TNNI3K: variants seen among roughly 807,000 people sequenced by gnomAD.
The protein encoded by TNNI3K is TNNI3 interacting kinase, also known as serine/threonine-protein kinase TNNI3K.
In TNNI3K, 140 loss-of-function variants were observed where a neutral mutation model predicts 114.5. The ratio of observed to expected loss-of-function variants is 1.22; its 90% CI spans 1.07 to 1.41. The LOEUF is 1.41. TNNI3K is among the 40% of genes most tolerant of loss of function. The pLI is 0.00. For synonymous variants in TNNI3K, 347 were observed against 347.5 expected, an observed-to-expected ratio of 1.00 and a Z score of 0.02; for missense variants, 1,125 against 1,007.6, an observed-to-expected ratio of 1.12 and a Z score of -1.58.
intron 17 of TNNI3K, among the ~76,000 whole-genome samples, chr1:74,391,957 ATTTTTTTTTT>A (rs34656417): frequency 9.7e-5 from 9 of 92,990 alleles, no homozygotes; most frequent in African/African-American, 3.1e-4. Flanking sequence ...ACAGCTTATT[ATTTTTTTTTT>A]TTTTTTTTTT....
At chr1:74,263,929 G>A (rs979603178) in intron 4 of TNNI3K, among the ~76,000 whole-genome samples, 3 of 151,676 alleles carry the variant, frequency 2.0e-5, no homozygotes, top group Non-Finnish European at 4.4e-5. Flanking sequence ...TACTTCCCCC[G>A]CCCCACTGCA....
intron 17 of TNNI3K, among the ~76,000 whole-genome samples, chr1:74,432,778 T>C (rs1220653417): frequency 6.6e-6 from 1 of 152,050 alleles, no homozygotes; most frequent in Admixed American, 6.6e-5. Context: ...ATTTCTGGAA[T>C]TTCTTTCCAG....
At chr1:74,467,946 G>A (rs2100730136) in intron 21 of TNNI3K, among the ~76,000 whole-genome samples, 1 of 152,226 alleles carries the variant, frequency 6.6e-6, no homozygotes, top group East Asian at 1.9e-4. Context: ...CAATGAAGTT[G>A]GAGCAGCCAG....
chr1:74,481,105 A>G, intron 21 of TNNI3K: 2 of 571,234 alleles, frequency 3.5e-6, no homozygotes, highest in Non-Finnish European at 6.2e-6. Context: ...CAAAAAATGA[A>G]AATGATTTTC....
chr1:74,353,368 T>C lies in TNNI3K; in HGVS notation c.1027+8T>C. 6.2e-7 allele frequency: 1 copy of C among 1,612,808 alleles called. No individual in the cohort carries two copies. ...GAAGGGATGGGCACACTGGTAAGACTGTGGTGAAAACACCACTAGTTCTAT... is the reference window on the plus strand; with the variant it reads ...GAAGGGATGGGCACACTGGTAAGACCGTGGTGAAAACACCACTAGTTCTAT... On this transcript the variant is annotated splice_region_variant and intron_variant, in intron 10 of 24. Transcript: ENST00000326637.
At chr1:74,532,003 G>A (rs1646592518) in intron 23 of TNNI3K, among the ~76,000 whole-genome samples, 1 of 152,100 alleles carries the variant, frequency 6.6e-6, no homozygotes, top group Non-Finnish European at 1.5e-5. Context: ...AAAACTAATT[G>A]GACCAATTTG....
intron 17 of TNNI3K, among the ~76,000 whole-genome samples, chr1:74,415,191 G>A (rs190292658): frequency 1.2e-4 from 18 of 152,150 alleles, no homozygotes; most frequent in African/African-American, 3.1e-4. Context: ...AGCCCATATG[G>A]CTGTCCTTCT....
intron 17 of TNNI3K, among the ~76,000 whole-genome samples, chr1:74,419,170 C>A (rs1048382422): frequency 4.0e-5 from 6 of 151,868 alleles, no homozygotes; most frequent in African/African-American, 1.5e-4. Context: ...AAATTCTGTT[C>A]CTTTCCTCTT....
chr1:74,498,254 C>T (rs1669435620), intron 23 of TNNI3K, among the ~76,000 whole-genome samples: 1 of 152,050 alleles, frequency 6.6e-6, no homozygotes, highest in Non-Finnish European at 1.5e-5. Flanking sequence ...CCTTGACATC[C>T]CCCTTATCTT....
At chr1:74,439,413 C>A in intron 19 of TNNI3K, 77 bp from the exon 20 acceptor site, 1 of 1,552,224 alleles carries the variant, frequency 6.4e-7, no homozygotes, top group Non-Finnish European at 8.7e-7. Context: ...AGTAAATTCT[C>A]ACTAAGAAGA....
intron 23 of TNNI3K, among the ~76,000 whole-genome samples, chr1:74,494,001 A>C (rs1024788081): frequency 2.0e-5 from 3 of 152,166 alleles, no homozygotes; most frequent in Non-Finnish European, 4.4e-5. Context: ...TACGGTTGTC[A>C]GGGGCCCCTG....
intron 21 of TNNI3K, among the ~76,000 whole-genome samples, chr1:74,485,129 A>G (rs1226299626): frequency 2.6e-5 from 4 of 152,208 alleles, no homozygotes; most frequent in Admixed American, 2.6e-4. Context: ...ACATGTAAAT[A>G]CCTATCTATA....
At chr1:74,452,455 TTCTC>T (rs746153991) in intron 20 of TNNI3K, among the ~76,000 whole-genome samples, 1 of 152,166 alleles carries the variant, frequency 6.6e-6, no homozygotes, top group Non-Finnish European at 1.5e-5. Flanking sequence ...TTTTATTTAT[TTCTC>T]TCTTTCTTTC....
intron 4 of TNNI3K, among the ~76,000 whole-genome samples, chr1:74,260,103 A>G (rs1045974716): frequency 4.6e-5 from 7 of 152,210 alleles, no homozygotes; most frequent in Non-Finnish European, 7.3e-5. Context: ...TAAAACCAAG[A>G]TAAACTGAGT....
At chr1:74,391,925 A>G (rs1171423509) in intron 17 of TNNI3K, among the ~76,000 whole-genome samples, 3 of 146,546 alleles carry the variant, frequency 2.0e-5, no homozygotes, top group Non-Finnish European at 3.0e-5. Flanking sequence ...AAACATTCAG[A>G]TGGTCCTTGA....
At chr1:74,351,903 A>T (rs200942274) in intron 9 of TNNI3K, among the ~76,000 whole-genome samples, 1 of 151,640 alleles carries the variant, frequency 6.6e-6, no homozygotes, top group East Asian at 1.9e-4. Flanking sequence ...CTTCTTTGTC[A>T]TTGGTTTGAA....
intron 17 of TNNI3K, among the ~76,000 whole-genome samples, chr1:74,381,148 G>A (rs1408637675): frequency 1.3e-5 from 2 of 152,094 alleles, no homozygotes; most frequent in African/African-American, 4.8e-5. Flanking sequence ...TGGGACTACA[G>A]CATGGATGCC....
chr1:74,459,169 C>T (rs1416740680), intron 20 of TNNI3K, among the ~76,000 whole-genome samples: 1 of 152,224 alleles, frequency 6.6e-6, no homozygotes, highest in Middle Eastern at 3.4e-3. Context: ...ATAAAAAGAA[C>T]AAAATAATGT....
chr1:74,535,483 A>G lies in TNNI3K; in HGVS notation c.2352-4751A>G, dbSNP rs933038248. 8.5e-5 allele frequency among the ~76,000 whole-genome samples: 13 copies of G among 152,056 alleles called. 1 individual carries two copies. The highest frequency in any genetic ancestry group is 5.2e-4 in the Admixed American group (8 of 15,250). ...GGACCGTGTCTCAAATCAAACAAACAAAAAAAGAATCACAGAATGTAAGAA... is the reference window on the plus strand; with the variant it reads ...GGACCGTGTCTCAAATCAAACAAACGAAAAAAGAATCACAGAATGTAAGAA... On this transcript the variant is annotated intron_variant, in intron 23 of 24. Transcript: ENST00000326637.
Sources: gnomAD v4.1 joint callset for allele counts (sites outside exome capture counted in the v4.1 genomes callset) on GRCh38, gnomAD v4.1.1 for gene constraint, MANE v1.5 for transcripts, NCBI Gene and HGNC (gene_info 2026-07-23, HGNC 2026-07-21) for gene names.